PACRG: variants seen among roughly 807,000 people sequenced by gnomAD.
The protein encoded by PACRG is parkin coregulated, also known as parkin coregulated gene protein.
A neutral mutation model predicts 29.7 loss-of-function variants in PACRG; 29 were observed. The observed-to-expected ratio is 0.98, with a 90% CI of 0.73 to 1.33. The LOEUF (loss-of-function observed/expected upper bound fraction) is 1.33. PACRG is among the 40% of genes most tolerant of loss of function. PACRG has a pLI of 0.00. For missense variants in PACRG, 279 were observed against 316.2 expected (o/e 0.88, Z 0.89); for synonymous variants, 116 against 118.7 (o/e 0.98, Z 0.15).
At chr6:163,081,307 A>T (rs1813051644) in intron 3 of PACRG, among the ~76,000 whole-genome samples, 1 of 152,210 alleles carries the variant, frequency 6.6e-6, no homozygotes, top group Admixed American at 6.5e-5. Flanking sequence ...ACAAATTCAT[A>T]AAGACAAAAA....
intron 2 of PACRG, among the ~76,000 whole-genome samples, chr6:162,946,686 A>G (rs373512737): frequency 2.0e-5 from 3 of 152,252 alleles, no homozygotes; most frequent in African/African-American, 7.2e-5. Context: ...GGAACAAAAA[A>G]GAAAACTACA....
rs892480180 is a variant in PACRG, at chr6:163,062,251, C to T, written c.393C>T (p.Ile131=). The change falls in exon 3 of 5, where the codon ATC becomes ATT. Residue 131 remains isoleucine, a synonymous_variant. Transcript: ENST00000366888. ...FPYEFFARQG[I]HDMLEHGGNK... ...ATGAGTTTTTTGCTCGGCAAGGAAT[C>T]CACGACATGCTGGAACACGGTGGGA... The T allele has an allele frequency of 6.2e-7, 1 of 1,614,156 alleles. No homozygotes were observed. Among genetic ancestry groups the T allele is most frequent in the African/African-American group, 1.3e-5 (1 of 75,024 alleles).
intron 4 of PACRG, among the ~76,000 whole-genome samples, chr6:163,228,379 C>CAAAAA (rs11362557): frequency 1.5e-5 from 1 of 68,164 alleles, no homozygotes; most frequent in African/African-American, 6.0e-5. Context: ...TTTAAGCAGG[C>CAAAAA]AAAAAAAAAA....
chr6:163,015,379 C>T (rs2128215456), intron 2 of PACRG, among the ~76,000 whole-genome samples: 1 of 152,264 alleles, frequency 6.6e-6, no homozygotes, highest in South Asian at 2.1e-4. Context: ...GTTTCCAATT[C>T]TGTGAAAAAC....
chr6:163,243,362 G>A (rs757726403), intron 4 of PACRG, among the ~76,000 whole-genome samples: 24 of 152,218 alleles, frequency 1.6e-4, no homozygotes, highest in Admixed American at 2.6e-4. Flanking sequence ...TGTGTCCAGC[G>A]TGTGAATGTT....
At chr6:162,775,032 A>G (rs1474506615) in intron 1 of PACRG, among the ~76,000 whole-genome samples, 2 of 152,168 alleles carry the variant, frequency 1.3e-5, no homozygotes, top group Non-Finnish European at 1.5e-5. Flanking sequence ...AGGCAATGAT[A>G]TTAAAAGGTG....
At chr6:163,112,665 G>A (rs1815777223) in intron 4 of PACRG, among the ~76,000 whole-genome samples, 1 of 152,292 alleles carries the variant, frequency 6.6e-6, no homozygotes, top group South Asian at 2.1e-4. Context: ...CCCAAGGAAA[G>A]GCACAGGCCT....
upstream of PACRG, chr6:162,727,217 G>A (rs1336707408): frequency 6.0e-6 from 1 of 165,810 alleles, no homozygotes. Context: ...GCGGTTTCCT[G>A]AAAGAGCCCC....
At chr6:162,742,982 T>C (rs139506672) in intron 1 of PACRG, among the ~76,000 whole-genome samples, 1 of 152,334 alleles carries the variant, frequency 6.6e-6, no homozygotes, top group Non-Finnish European at 1.5e-5. Flanking sequence ...CATTTTGCAT[T>C]CCTGCCAACA....
intron 2 of PACRG, among the ~76,000 whole-genome samples, chr6:163,056,323 T>A (rs570022344): frequency 5.9e-5 from 9 of 152,332 alleles, no homozygotes; most frequent in Admixed American, 2.6e-4. Context: ...AATAACCAAA[T>A]GGCAGAAGCA....
chr6:162,842,497 C>G (rs1789884914), intron 2 of PACRG, among the ~76,000 whole-genome samples: 2 of 152,080 alleles, frequency 1.3e-5, no homozygotes, highest in Admixed American at 1.3e-4. Flanking sequence ...TGTCTCTGGA[C>G]ATGAGATGGG....
chr6:162,727,700 GAA>G, upstream of PACRG: 1 of 1,564,928 alleles, frequency 6.4e-7, no homozygotes, highest in South Asian at 1.2e-5. Context: ...TGCGGGCCAG[GAA>G]CAGGCCCATG....
chr6:162,911,588 C>T (rs973472908), intron 2 of PACRG, among the ~76,000 whole-genome samples: 3 of 152,044 alleles, frequency 2.0e-5, no homozygotes, highest in African/African-American at 7.2e-5. Context: ...TGTAGGTCTC[C>T]CCTGGGGCAC....
intron 4 of PACRG, among the ~76,000 whole-genome samples, chr6:163,178,103 AAAC>A (rs1779473845): frequency 6.6e-6 from 1 of 152,140 alleles, no homozygotes; most frequent in Admixed American, 6.5e-5. Context: ...CAGCCAGGAG[AAAC>A]ACGAGGCCAG....
chr6:163,050,681 A>G (rs1248853207), intron 2 of PACRG, among the ~76,000 whole-genome samples: 1 of 152,208 alleles, frequency 6.6e-6, no homozygotes, highest in African/African-American at 2.4e-5. Context: ...TAGATGAATA[A>G]CTTTTGTTCT....
chr6:163,255,705 C>T (rs906124834), intron 4 of PACRG, among the ~76,000 whole-genome samples: 8 of 152,148 alleles, frequency 5.3e-5, no homozygotes, highest in Admixed American at 3.9e-4. Context: ...GGCATGATCT[C>T]AGCTCACTGT....
chr6:163,264,220 G>A (rs1371948519), intron 4 of PACRG, among the ~76,000 whole-genome samples: 2 of 152,160 alleles, frequency 1.3e-5, no homozygotes, highest in Non-Finnish European at 2.9e-5. Context: ...CCGGACCTCT[G>A]GAAGCTCTCC....
At chr6:163,291,366 G>T (rs1424781614) in intron 4 of PACRG, among the ~76,000 whole-genome samples, 4 of 145,654 alleles carry the variant, frequency 2.7e-5, no homozygotes, top group African/African-American at 1.0e-4. Context: ...CCCTCTGCCC[G>T]CCAGAGCTGG....
chr6:162,917,281 G>A (rs929851184), intron 2 of PACRG, among the ~76,000 whole-genome samples: 1 of 152,066 alleles, frequency 6.6e-6, no homozygotes, highest in African/African-American at 2.4e-5. Flanking sequence ...TGAAGTTCAC[G>A]GTAACTCAAA....
Sources: allele counts gnomAD v4.1 joint callset (sites outside exome capture counted in the v4.1 genomes callset), GRCh38; gene constraint gnomAD v4.1.1; transcripts MANE v1.5; gene names NCBI Gene and HGNC (gene_info 2026-07-23, HGNC 2026-07-21).